LRRC28: variants seen among roughly 807,000 people sequenced by gnomAD.
The protein encoded by LRRC28 is leucine rich repeat containing 28.
In LRRC28, 39 loss-of-function variants were observed where a neutral mutation model predicts 45.7. The ratio of observed to expected loss-of-function variants is 0.85; its 90% confidence interval spans 0.66 to 1.12. The LOEUF (loss-of-function observed/expected upper bound fraction) is 1.12, where lower values mean the gene tolerates loss of function less well. Ranked by LOEUF, LRRC28 falls within the 50% of genes most tolerant of loss-of-function variation. The pLI is 0.00. For missense variants in LRRC28, 435 were observed against 438.5 expected (o/e 0.99, Z 0.07); for synonymous variants, 206 against 178.8 (o/e 1.15, Z -1.22).
intron 5 of LRRC28, among the ~76,000 whole-genome samples, chr15:99,297,955 A>G (rs992279232): frequency 6.6e-6 from 1 of 152,230 alleles, no homozygotes; most frequent in East Asian, 1.9e-4. Flanking sequence ...ACAAATACAT[A>G]CAGAAAAATA....
At chr15:99,366,310 T>C (rs1268074112) in intron 9 of LRRC28, among the ~76,000 whole-genome samples, 1 of 152,204 alleles carries the variant, frequency 6.6e-6, no homozygotes, top group East Asian at 1.9e-4. Flanking sequence ...TCTTTATGAA[T>C]GTCTGTCTCT....
chr15:99,278,528 G>A (rs1175310333), intron 3 of LRRC28, among the ~76,000 whole-genome samples: 1 of 152,260 alleles, frequency 6.6e-6, no homozygotes, highest in African/African-American at 2.4e-5. Context: ...TTACAGGCGT[G>A]AGCCACTGCA....
chr15:99,281,776 G>C, intron 3 of LRRC28, among the ~76,000 whole-genome samples: 1 of 152,104 alleles, frequency 6.6e-6, no homozygotes, highest in Middle Eastern at 3.2e-3. Context: ...GTTAGGATAG[G>C]TGGTTAGGTT....
At chr15:99,352,058 C>G (rs1956897150) in intron 6 of LRRC28, among the ~76,000 whole-genome samples, 2 of 152,228 alleles carry the variant, frequency 1.3e-5, no homozygotes, top group South Asian at 4.1e-4. Context: ...ATCAGATATC[C>G]CAAGTGAGGG....
chr15:99,305,900 T>G (rs1158499228), intron 5 of LRRC28, among the ~76,000 whole-genome samples: 3 of 152,220 alleles, frequency 2.0e-5, no homozygotes, highest in Non-Finnish European at 4.4e-5. Flanking sequence ...GCATTTCTCC[T>G]TCATCACTTA....
intron 2 of LRRC28, chr15:99,259,535 A>T (rs895400125): frequency 1.6e-6 from 2 of 1,232,218 alleles, no homozygotes; most frequent in Non-Finnish European, 2.4e-6. Flanking sequence ...TCAGTGCCTG[A>T]CAGAATCTCT....
rs2081290473 is a variant in LRRC28, at chr15:99,264,797, G to C, written c.168+8672G>C. Among the ~76,000 whole-genome samples, 13 of 152,194 alleles carry C rather than the reference G, an allele frequency of 8.5e-5. No homozygotes were observed. The South Asian group carries it at 2.7e-3, about 32-fold the overall frequency. On this transcript the variant is annotated intron_variant, in intron 2 of 9. Transcript: ENST00000301981. Reference sequence around the variant, plus strand: ...TTTCTAAGAGGACAGAGTAAATGCTGATAGGAAATTCCCATTAGAGAGGAG... The same window carrying C: ...TTTCTAAGAGGACAGAGTAAATGCTCATAGGAAATTCCCATTAGAGAGGAG...
intron 3 of LRRC28, among the ~76,000 whole-genome samples, chr15:99,283,039 T>C (rs1048235496): frequency 6.6e-6 from 1 of 151,980 alleles, no homozygotes; most frequent in African/African-American, 2.4e-5. Flanking sequence ...ATTACAGGCA[T>C]GTGCCACCAT....
chr15:99,347,762 C>T (rs898195394), intron 6 of LRRC28, among the ~76,000 whole-genome samples: 2 of 152,140 alleles, frequency 1.3e-5, no homozygotes, highest in East Asian at 1.9e-4. Flanking sequence ...CTTTATGAGG[C>T]GATGACTGTG....
At chr15:99,343,119 C>G (rs756975850) in intron 6 of LRRC28, among the ~76,000 whole-genome samples, 8 of 152,160 alleles carry the variant, frequency 5.3e-5, no homozygotes, top group Non-Finnish European at 1.2e-4. Context: ...CTAATAATAT[C>G]TCTGATTTAT....
intron 5 of LRRC28, among the ~76,000 whole-genome samples, chr15:99,293,650 C>CTGAATATTCACCA (rs1411901381): frequency 1.8e-5 from 2 of 113,248 alleles, no homozygotes; most frequent in Non-Finnish European, 3.7e-5. Flanking sequence ...CAATATTTAC[C>CTGAATATTCACCA]TGAATATTCA....
chr15:99,305,454 A>C (rs1340663493), intron 5 of LRRC28, among the ~76,000 whole-genome samples: 1 of 152,218 alleles, frequency 6.6e-6, no homozygotes, highest in East Asian at 1.9e-4. Context: ...ACAGAACTAA[A>C]GTAAAATGAA....
At chr15:99,316,996 G>A (rs1418665942) in intron 5 of LRRC28, among the ~76,000 whole-genome samples, 1 of 141,022 alleles carries the variant, frequency 7.1e-6, no homozygotes, top group East Asian at 2.4e-4. Context: ...GCCACCTACT[G>A]GGCCTTTTTT....
At chr15:99,372,433 C>T (rs1245196040) in intron 9 of LRRC28, among the ~76,000 whole-genome samples, 1 of 152,130 alleles carries the variant, frequency 6.6e-6, no homozygotes, top group Non-Finnish European at 1.5e-5. Context: ...TTCCCCAGAC[C>T]TCTGATGTCT....
At chr15:99,311,270 A>C (rs1470058382) in intron 5 of LRRC28, among the ~76,000 whole-genome samples, 1 of 152,120 alleles carries the variant, frequency 6.6e-6, no homozygotes, top group Admixed American at 6.5e-5. Flanking sequence ...TCATGTTGGC[A>C]CTCAGAAATC....
chr15:99,267,017 C>CA (rs1218334690), intron 2 of LRRC28, among the ~76,000 whole-genome samples: 1 of 152,082 alleles, frequency 6.6e-6, no homozygotes, highest in Admixed American at 6.6e-5. Flanking sequence ...AGGGAAAACT[C>CA]TACTAGTAAG....
At chr15:99,362,510 G>C (rs1216392709) in intron 8 of LRRC28, among the ~76,000 whole-genome samples, 3 of 152,208 alleles carry the variant, frequency 2.0e-5, no homozygotes, top group African/African-American at 7.2e-5. Context: ...GGGATGTTTT[G>C]CTTTAAATGT....
intron 3 of LRRC28, among the ~76,000 whole-genome samples, chr15:99,284,153 T>G (rs2081891111): frequency 1.3e-5 from 2 of 152,218 alleles, no homozygotes; most frequent in South Asian, 4.1e-4. Flanking sequence ...CCAGTAATGG[T>G]TCTTAATCGG....
intron 6 of LRRC28, among the ~76,000 whole-genome samples, chr15:99,348,640 T>C (rs921898525): frequency 5.3e-5 from 8 of 152,160 alleles, no homozygotes; most frequent in Non-Finnish European, 1.2e-4. Flanking sequence ...CATCATAGTG[T>C]TTTTGTTACC....
Sources: gnomAD v4.1 joint callset for allele counts (sites outside exome capture counted in the v4.1 genomes callset) on GRCh38, gnomAD v4.1.1 for gene constraint, MANE v1.5 for transcripts, NCBI Gene and HGNC (gene_info 2026-07-23, HGNC 2026-07-21) for gene names.